TTC39C: variants seen among roughly 807,000 people sequenced by gnomAD.
The protein encoded by TTC39C is tetratricopeptide repeat protein 39C.
In TTC39C, 33 loss-of-function variants were observed where a neutral mutation model predicts 76.3. The observed-to-expected ratio is 0.43, with a 90% confidence interval of 0.33 to 0.58. TTC39C has a LOEUF of 0.58. TTC39C is among the 20% of genes least tolerant of loss of function. TTC39C has a pLI of 0.04. For missense variants in TTC39C, 595 were observed against 701.4 expected (o/e 0.85, Z 1.71); for synonymous variants, 254 against 260.6 (o/e 0.97, Z 0.24).
chr18:24,019,793 A>T, intron 1 of TTC39C: 1 of 1,297,704 alleles, frequency 7.7e-7, no homozygotes, highest in Non-Finnish European at 1.1e-6. Context: ...ACACCTGCAG[A>T]AATGAGTAGT....
intron 1 of TTC39C, among the ~76,000 whole-genome samples, chr18:24,039,740 C>T (rs1008209466): frequency 2.6e-5 from 4 of 152,114 alleles, no homozygotes; most frequent in East Asian, 1.9e-4. Flanking sequence ...AGTTAGAGAG[C>T]GACTGTCATA....
At chr18:24,126,711 G>T (rs1203871028) in intron 10 of TTC39C, among the ~76,000 whole-genome samples, 1 of 150,982 alleles carries the variant, frequency 6.6e-6, no homozygotes. Flanking sequence ...GCACTGATGT[G>T]TTCATAACTC....
rs183942771 is a variant in TTC39C, at chr18:24,074,801, G to C, written c.460+5530G>C. ...TTTGACCTAGCCATCTCATTACTGG[G>C]TATATACCCAGAGGATTATAAATCA... On this transcript the variant is annotated intron_variant, in intron 4 of 13. Coordinates refer to ENST00000317571, the MANE Select transcript of TTC39C (RefSeq NM_001135993.2). Among the ~76,000 whole-genome samples, 16 of 152,256 alleles carry C rather than the reference G, an allele frequency of 1.1e-4. No individual in the cohort carries two copies. The East Asian group carries it at 2.5e-3, about 24-fold the overall frequency.
intron 6 of TTC39C, chr18:24,113,621 A>G (rs1300421080): frequency 4.3e-6 from 3 of 702,284 alleles, no homozygotes; most frequent in Non-Finnish European, 5.2e-6. Flanking sequence ...ACCGTTCAGA[A>G]TAAGCTGTCA....
At chr18:24,072,612 T>A (rs1204585853) in intron 4 of TTC39C, among the ~76,000 whole-genome samples, 12 of 152,244 alleles carry the variant, frequency 7.9e-5, no homozygotes. Flanking sequence ...TTCTTACTTT[T>A]AAAAAAGCTT....
At chr18:24,042,183 A>G (rs1177057750) in intron 1 of TTC39C, among the ~76,000 whole-genome samples, 2 of 152,210 alleles carry the variant, frequency 1.3e-5, no homozygotes, top group Non-Finnish European at 1.5e-5. Flanking sequence ...ATACTTAGGC[A>G]TTATGGGTAA....
rs75974630 is a variant in TTC39C, at chr18:24,110,289, C to T, written c.985-4265C>T. On this transcript the variant is annotated intron_variant, in intron 6 of 13. Transcript: ENST00000317571. ...AGGACATTTCTTATTTAGTAAAAAACGGCATCTACTTGTAGCAAGCCCTGT... is the reference window on the plus strand; with the variant it reads ...AGGACATTTCTTATTTAGTAAAAAATGGCATCTACTTGTAGCAAGCCCTGT... Among the ~76,000 whole-genome samples, 1,082 of 152,290 alleles carry T rather than the reference C, an allele frequency of 7.1e-3. 3 individuals are homozygous for T. The highest frequency in any genetic ancestry group is 0.011 in the Non-Finnish European group (719 of 68,014).
At position 24,098,726 on chromosome 18, in the gene TTC39C, G is replaced by A. The variant is rs997257017; in HGVS notation, c.984+15645G>A. ...TGGTTCATTGCAACCTCTGCCTCCC[G>A]GTTCAAGCAATTCTCCTGCCTCAGC... On this transcript the variant is annotated intron_variant, in intron 6 of 13. Coordinates refer to ENST00000317571, the MANE Select transcript of TTC39C (RefSeq NM_001135993.2). Among the ~76,000 whole-genome samples, 23 of 151,324 alleles carry A rather than the reference G, an allele frequency of 1.5e-4. 1 individual carries two copies. Among genetic ancestry groups the A allele is most frequent in the Admixed American group, 1.1e-3 (17 of 15,118 alleles).
At chr18:24,088,731 C>T (rs2084478481) in intron 6 of TTC39C, among the ~76,000 whole-genome samples, 1 of 152,166 alleles carries the variant, frequency 6.6e-6, no homozygotes, top group Non-Finnish European at 1.5e-5. Flanking sequence ...GTGGGGATGG[C>T]TTTGATGCTT....
upstream of TTC39C, chr18:24,014,601 C>T: frequency 3.3e-6 from 1 of 306,256 alleles, no homozygotes; most frequent in Non-Finnish European, 5.6e-6. Context: ...GAGTTGGGTG[C>T]TTCGGAGGGC....
rs2085164531 is a variant in TTC39C, at chr18:24,133,837, AT to A, written c.*1265del. ...AGGTTAGATTTTTAAAGAAATTTTT[AT>A]TGAGCTAAAGGATATCATTTTAGGG... On this transcript the variant is annotated 3_prime_UTR_variant, in exon 14 of 14. Transcript: ENST00000317571. 1 of 152,184 alleles carries A rather than the reference AT, an allele frequency of 6.6e-6. No homozygotes were observed. The highest frequency in any genetic ancestry group is 6.5e-5 in the Admixed American group (1 of 15,280). The allele number at this position is 152,184 out of a possible 1,614,324, so 9.4% of individuals were successfully genotyped here.
At chr18:24,089,818 G>A (rs114020692) in intron 6 of TTC39C, among the ~76,000 whole-genome samples, 4,873 of 152,186 alleles carry the variant, frequency 0.032, 256 homozygotes, top group African/African-American at 0.11. Flanking sequence ...AGCAGCATTA[G>A]TGCTGAATTG....
Position 24,014,833 on chromosome 18 carries a change from C to T in TTC39C, c.-39C>T. On this transcript the variant is annotated 5_prime_UTR_variant, in exon 1 of 14. Coordinates refer to ENST00000317571, the MANE Select transcript of TTC39C (RefSeq NM_001135993.2). The stretch of plus-strand genomic sequence containing the variant: ...GCGCGCGGGGCCGCAGCAGCTGCTC[C>T]CGATCTCGCCTCGGCCCAGCGCAGG... 2.5e-6 allele frequency: 3 copies of T among 1,224,130 alleles called. No individual in the cohort carries two copies. The highest frequency in any genetic ancestry group is 3.1e-6 in the Non-Finnish European group (3 of 976,248). 75.8% of individuals were successfully genotyped at this position (1,224,130 alleles called of 1,614,324 possible).
intron 2 of TTC39C, among the ~76,000 whole-genome samples, chr18:24,064,479 GA>G (rs1568424213): frequency 6.6e-6 from 1 of 152,100 alleles, no homozygotes; most frequent in Non-Finnish European, 1.5e-5. Context: ...ATTCGAGGTA[GA>G]AAAAAAGTCT....
intron 6 of TTC39C, chr18:24,113,432 CCA>C (rs2084843205): frequency 1.6e-6 from 1 of 609,964 alleles, no homozygotes; most frequent in African/African-American, 1.8e-5. Flanking sequence ...CAGGACCCTT[CCA>C]GCCCACCTGG....
chr18:24,014,994 C>G lies in TTC39C; in HGVS notation c.123C>G (p.Leu41=), dbSNP rs2145640298. 2.6e-6 allele frequency: 4 copies of G among 1,525,706 alleles called. No individual in the cohort carries two copies. Among genetic ancestry groups the G allele is most frequent in the Non-Finnish European group, 3.5e-6 (4 of 1,136,790 alleles). The allele number at this position is 1,525,706 out of a possible 1,614,324, so 94.5% of individuals were successfully genotyped here. ...CCCTGGCCGGCATCAACATGCTGCT[C>G]AACAACGGCTTCAGGGAGTCGGACC... ...ELALAGINML[L]NNGFRESDQL... is the part of the protein sequence containing the mutation. The change falls in exon 1 of 14, where the codon CTC becomes CTG. Residue 41 remains leucine, a synonymous_variant. Coordinates refer to ENST00000317571, the MANE Select transcript of TTC39C (RefSeq NM_001135993.2).
At chr18:24,131,995 G>C in intron 13 of TTC39C, 75 bp downstream of exon 13, 1 of 1,401,738 alleles carries the variant, frequency 7.1e-7, no homozygotes, top group Non-Finnish European at 9.8e-7. Context: ...CTGAATTCAA[G>C]AAAGTTTGTG....
chr18:24,080,942 G>C lies in TTC39C; in HGVS notation c.815+3G>C. ...GACATGAAGGCCCCTTTAGCTACGTGAGTAGCTGTATTGCAATGCTTTGGT... is the reference window on the plus strand; with the variant it reads ...GACATGAAGGCCCCTTTAGCTACGTCAGTAGCTGTATTGCAATGCTTTGGT... On this transcript the variant is annotated splice_donor_region_variant and intron_variant, in intron 5 of 13. Coordinates refer to ENST00000317571, the MANE Select transcript of TTC39C (RefSeq NM_001135993.2). 1.3e-6 allele frequency: 2 copies of C among 1,595,600 alleles called. No individual in the cohort carries two copies. The highest frequency in any genetic ancestry group is 1.7e-6 in the Non-Finnish European group (2 of 1,165,926).
chr18:24,070,672 C>T (rs1351415133), intron 4 of TTC39C, among the ~76,000 whole-genome samples: 1 of 151,866 alleles, frequency 6.6e-6, no homozygotes, highest in Non-Finnish European at 1.5e-5. Context: ...GGTGAAACCC[C>T]GTCTCTACTA....
Sources: allele counts gnomAD v4.1 joint callset (sites outside exome capture counted in the v4.1 genomes callset), GRCh38; gene constraint gnomAD v4.1.1; transcripts MANE v1.5; gene names NCBI Gene and HGNC (gene_info 2026-07-23, HGNC 2026-07-21).